Variants in CYP17A1 observed in about 807,000 individuals in gnomAD.
CYP17A1 encodes steroid 17-alpha-hydroxylase/17,20 lyase.
A neutral mutation model predicts 38.5 loss-of-function variants in CYP17A1; 27 were observed. That is an observed-to-expected ratio of 0.70 (90% CI 0.52 to 0.97). The LOEUF (loss-of-function observed/expected upper bound fraction) is 0.97. CYP17A1 is among the 50% of genes least tolerant of loss of function. The pLI is 0.00. For missense variants in CYP17A1, 549 were observed against 645.9 expected (o/e 0.85, Z 1.63); for synonymous variants, 263 against 253.3 (o/e 1.04, Z -0.36).
chr10:102,832,405 G>C, intron 6 of CYP17A1, 106 bp downstream of exon 6: 2 of 793,088 alleles, frequency 2.5e-6, no homozygotes, highest in Non-Finnish European at 4.5e-6. Flanking sequence ...ATGGTTGACT[G>C]ACTTTAGGTT....
At chr10:102,833,500 A>G in intron 4 of CYP17A1, 1 of 403,458 alleles carries the variant, frequency 2.5e-6, no homozygotes, top group South Asian at 2.2e-5. Context: ...TGCAATGCCC[A>G]GGCTGGAGTG....
intron 4 of CYP17A1, chr10:102,833,550 G>A (rs1844120369): frequency 6.3e-6 from 2 of 318,396 alleles, no homozygotes; most frequent in South Asian, 3.1e-5. Context: ...TCTGCTTCTC[G>A]GGTTCAAGTG....
At position 102,834,137 on chromosome 10, in the gene CYP17A1, G is replaced by A. The variant is rs371560015; in HGVS notation, c.667-15C>T. ...TTGGGGAAAATCTGGGAAATAAAAA[G>A]AAATGTTAAATCCACCCTTCTTCCA... On this transcript the variant is annotated splice_polypyrimidine_tract_variant and intron_variant, in intron 3 of 7. Transcript: ENST00000369887. 1.9e-6 allele frequency: 2 copies of A among 1,054,102 alleles called. No individual in the cohort carries two copies. Among genetic ancestry groups the A allele is most frequent in the Non-Finnish European group, 3.0e-6 (2 of 667,970 alleles). The allele number at this position is 1,054,102 out of a possible 1,614,324, so 65.3% of individuals were successfully genotyped here.
At position 102,830,792 on chromosome 10, in the gene CYP17A1, G is replaced by C; in HGVS notation, c.1437C>G (p.Ile479Met). 1 of 1,595,846 alleles carries C rather than the reference G, an allele frequency of 6.3e-7. No homozygotes were observed. The highest frequency in any genetic ancestry group is 8.6e-7 in the Non-Finnish European group (1 of 1,166,156). ...AGTCGATCAGAAAGACCACCTTGGG[G>C]ATGCCTTCCAGGGAGGGCAGCTGCC... is the stretch of plus-strand genomic sequence containing the variant. ...DDGQLPSLEG[I>M]PKVVFLIDSF... Residue 479 changes from isoleucine to methionine, a missense_variant, in exon 8 of 8, where the codon ATC becomes ATG. By Grantham distance (10) the Ile-to-Met change is conservative. This residue lies in a region of CYP17A1 where 257 missense variants were observed against 307.9 expected (regional missense o/e 0.83). Coordinates refer to ENST00000369887, the MANE Select transcript of CYP17A1 (RefSeq NM_000102.4). This position sits in a 1 kb window ranked among gnomAD's most constrained non-coding sequence, Gnocchi z 4.1.
At chr10:102,831,086 CCTG>C in intron 7 of CYP17A1, 101 bp from the exon 8 acceptor site, 1 of 480,626 alleles carries the variant, frequency 2.1e-6, no homozygotes, top group Non-Finnish European at 3.9e-6. Flanking sequence ...CCCAGGGAAC[CCTG>C]ATCTGAGGAT....
chr10:102,835,650 G>A, intron 1 of CYP17A1: 1 of 524,530 alleles, frequency 1.9e-6, no homozygotes, highest in African/African-American at 1.9e-5. Flanking sequence ...GAATGCAGCA[G>A]CATTGGGGTT....
intron 3 of CYP17A1, 32 bp from the exon 4 acceptor site, chr10:102,834,154 C>A: frequency 1.1e-6 from 1 of 933,062 alleles, no homozygotes; most frequent in Non-Finnish European, 1.8e-6. Context: ...TAAATCCACC[C>A]TTCTTCCATT....
Position 102,831,102 on chromosome 10 carries a change from A to G in CYP17A1, c.1244-117T>C, listed in dbSNP as rs1276663458. Reference sequence around the variant, plus strand: ...CCAGGGAACCCTGATCTGAGGATGTAGCCTTATTATGGGGGAACCCCCGCC... The same window carrying G: ...CCAGGGAACCCTGATCTGAGGATGTGGCCTTATTATGGGGGAACCCCCGCC... On this transcript the variant is annotated intron_variant, in intron 7 of 7. Coordinates refer to ENST00000369887, the MANE Select transcript of CYP17A1 (RefSeq NM_000102.4). The G allele has an allele frequency of 6.7e-6, 3 of 450,414 alleles. No homozygotes were observed. The East Asian group carries it at 1.0e-4, about 15-fold the overall frequency. 27.9% of individuals were successfully genotyped at this position (450,414 alleles called of 1,614,324 possible). A position where few individuals can be genotyped will look rare whatever the true frequency, so the allele number is the denominator to read the frequency against.
Position 102,832,530 on chromosome 10 carries a change from T to G in CYP17A1, c.1120A>C (p.Lys374Gln). ...GCACACCTGGAGTCAACGTTGGCCT[T>G]GTGGGGGATGAGCATAGGGGCCACG... ...RPVAPMLIPHKANVDSSIGEF... is the reference protein window; with the variant it reads ...RPVAPMLIPHQANVDSSIGEF... Residue 374 changes from lysine to glutamine, a missense_variant, in exon 6 of 8, where the codon AAG (lysine) becomes CAG (glutamine). Physicochemically the swap from Lys to Gln is moderately conservative, Grantham distance 53 (BLOSUM62 1). Around this residue, in one of 3 missense-constraint regions of CYP17A1, gnomAD observed 257 missense variants for 307.9 expected, o/e 0.83. Transcript: ENST00000369887. 1.9e-6 allele frequency: 3 copies of G among 1,609,116 alleles called. No individual in the cohort carries two copies. The highest frequency in any genetic ancestry group is 2.6e-6 in the Non-Finnish European group (3 of 1,176,082).
At chr10:102,837,015 C>T (rs1011510315) in intron 1 of CYP17A1, 50 bp downstream of exon 1, 1 of 1,090,780 alleles carries the variant, frequency 9.2e-7, no homozygotes, top group Admixed American at 1.7e-5. Context: ...AAGACCTGAA[C>T]AATCCCAGGG....
chr10:102,833,310 A>T, intron 4 of CYP17A1, 102 bp from the exon 5 acceptor site: 1 of 1,594,272 alleles, frequency 6.3e-7, no homozygotes. Flanking sequence ...GGCTCCTTCC[A>T]CTTGGAAGTA....
chr10:102,832,412 G>T lies in CYP17A1; in HGVS notation c.1139+99C>A, dbSNP rs548554815. ...AGTAGTTGATGGTTGACTGACTTTAGGTTGGCCAGCAGGGGCCGGGGGTAG... is the reference window on the plus strand; with the variant it reads ...AGTAGTTGATGGTTGACTGACTTTATGTTGGCCAGCAGGGGCCGGGGGTAG... On this transcript the variant is annotated intron_variant, in intron 6 of 7. Transcript: ENST00000369887. The T allele has an allele frequency of 8.6e-6, 7 of 818,114 alleles. No individual in the cohort carries two copies. In the South Asian group the frequency reaches 9.4e-5, roughly 11 times the overall value. 50.7% of individuals were successfully genotyped at this position (818,114 alleles called of 1,614,324 possible).
intron 3 of CYP17A1, chr10:102,834,520 G>T: frequency 1.7e-6 from 1 of 588,314 alleles, no homozygotes; most frequent in South Asian, 2.0e-5. Context: ...CGATGAATGC[G>T]TATAGAATGC....
intron 6 of CYP17A1, 83 bp from the exon 7 acceptor site, chr10:102,831,694 G>T: frequency 1.3e-6 from 2 of 1,584,356 alleles, no homozygotes; most frequent in Non-Finnish European, 8.5e-7. Context: ...TCATTCTTCC[G>T]CCGTGAGGAA....
At position 102,833,212 on chromosome 10, in the gene CYP17A1, GGTT is replaced by G; in HGVS notation, c.754-7_754-5del. 1.9e-6 allele frequency: 3 copies of G among 1,614,004 alleles called. No homozygotes were observed. The highest frequency in any genetic ancestry group is 2.5e-6 in the Non-Finnish European group (3 of 1,180,010). ...TAGAGTCACTCCGGAATTTCTCCTG[GGTT>G]GGGTGAGGTTGGGAGACATTAATAA... On this transcript the variant is annotated splice_polypyrimidine_tract_variant and splice_region_variant and intron_variant, in intron 4 of 7. Transcript: ENST00000369887.
chr10:102,833,883 C>T (rs1443882844), intron 4 of CYP17A1, 153 bp downstream of exon 4: 15 of 618,500 alleles, frequency 2.4e-5, no homozygotes, highest in East Asian at 5.7e-5. Context: ...TGAGCCACCG[C>T]GCCCAGCCCT....
intron 5 of CYP17A1, 114 bp downstream of exon 5, chr10:102,832,879 G>T (rs969664972): frequency 6.5e-7 from 1 of 1,533,968 alleles, no homozygotes; most frequent in Non-Finnish European, 8.8e-7. Context: ...TGGGTAAGGA[G>T]CAGGGCAGGC....
At position 102,830,745 on chromosome 10, in the gene CYP17A1, A is replaced by C; in HGVS notation, c.1484T>G (p.Val495Gly). ...CTGGGCTTCCCTCCAGGCCTGGCGC[A>C]CCTTGATCTTCACTTTGAAAGAGTC... is the stretch of plus-strand genomic sequence containing the variant. The part of the protein sequence containing the change: ...LIDSFKVKIK[V>G]RQAWREAQAE... Residue 495 changes from valine (V) to glycine (G), a missense_variant, in exon 8 of 8, where the codon GTG becomes GGG. Coordinates refer to ENST00000369887, the MANE Select transcript of CYP17A1 (RefSeq NM_000102.4). The surrounding 1 kb of genome is among the most constrained non-coding windows in gnomAD (Gnocchi z 4.1). 1 of 1,603,688 alleles carries C rather than the reference A, an allele frequency of 6.2e-7. No individual in the cohort carries two copies.
At position 102,837,135 on chromosome 10, in the gene CYP17A1, A is replaced by G; in HGVS notation, c.227T>C (p.Val76Ala). ...CTCCTTGGCCAGCTGGTGGTGGCCG[A>G]CAATCACTGTAGTCTTGGTGCCCAT... ...VRMGTKTTVI[V>A]GHHQLAKEVL... Residue 76 changes from valine to alanine, a missense_variant, in exon 1 of 8, where the codon GTC (valine) becomes GCC (alanine). Coordinates refer to ENST00000369887, the MANE Select transcript of CYP17A1 (RefSeq NM_000102.4). 1 of 1,602,316 alleles carries G rather than the reference A, an allele frequency of 6.2e-7. No homozygotes were observed. Among genetic ancestry groups the G allele is most frequent in the Non-Finnish European group, 8.6e-7 (1 of 1,169,228 alleles).
Sources: gnomAD v4.1 joint callset for allele counts on GRCh38, gnomAD v4.1.1 for gene constraint, gnomAD v4.1.1 regional missense constraint, Gnocchi (gnomAD v3.1) non-coding constraint, MANE v1.5 for transcripts, NCBI Gene and HGNC (gene_info 2026-07-23, HGNC 2026-07-21) for gene names.